GFM1: variants seen among roughly 807,000 people sequenced by gnomAD.
GFM1 encodes elongation factor G, mitochondrial.
A neutral mutation model predicts 96.2 loss-of-function variants in GFM1; 62 were observed. That is an observed-to-expected ratio of 0.64 (90% CI 0.53 to 0.80). The LOEUF is 0.80. GFM1 is among the 30% of genes least tolerant of loss of function. The pLI is 0.00. For synonymous variants in GFM1, 282 were observed against 312.9 expected (o/e 0.90, Z 1.04); for missense variants, 852 against 916.6 (o/e 0.93, Z 0.91).
chr3:158,678,897 AGTG>A (rs1725130981), intron 13 of GFM1, among the ~76,000 whole-genome samples: 1 of 152,230 alleles, frequency 6.6e-6, no homozygotes, highest in South Asian at 2.1e-4. Flanking sequence ...GACTGGGTGA[AGTG>A]GTTCACACCT....
At position 158,682,081 on chromosome 3, in the gene GFM1, A is replaced by G; in HGVS notation, c.1688A>G (p.Asp563Gly). ...IGVLEPLDPE[D>G]YTKLEFSDET... ...GTCCTGGAGCCTCTGGACCCAGAGG[A>G]CTACACTAAATTGGAATTTTCAGAT... is the stretch of plus-strand genomic sequence containing the variant. The change falls in exon 14 of 18, where the codon GAC (aspartate) becomes GGC (glycine). Residue 563 changes from aspartate to glycine, a missense_variant. Physicochemically the swap from Asp to Gly is moderately conservative, Grantham distance 94 (BLOSUM62 -1). Coordinates refer to ENST00000486715, the MANE Select transcript of GFM1 (RefSeq NM_024996.7). 6.2e-7 allele frequency: 1 copy of G among 1,613,510 alleles called. No homozygotes were observed. Among genetic ancestry groups the G allele is most frequent in the Non-Finnish European group, 8.5e-7 (1 of 1,179,514 alleles).
At chr3:158,687,578 C>T (rs1475463047) in intron 15 of GFM1, among the ~76,000 whole-genome samples, 4 of 152,168 alleles carry the variant, frequency 2.6e-5, no homozygotes, top group East Asian at 1.9e-4. Context: ...AGCAATTCTC[C>T]TGCCTCAGCC....
intron 6 of GFM1, 129 bp downstream of exon 6, chr3:158,652,375 T>C (rs1722370143): frequency 2.5e-6 from 2 of 799,670 alleles, no homozygotes; most frequent in African/African-American, 3.5e-5. Context: ...TTTAACATAA[T>C]TGGCTTCCTC....
At chr3:158,680,891 C>T (rs1431204716) in intron 13 of GFM1, among the ~76,000 whole-genome samples, 3 of 152,082 alleles carry the variant, frequency 2.0e-5, no homozygotes, top group African/African-American at 4.8e-5. Flanking sequence ...GAACTTGGTG[C>T]AGTGATGGAA....
At chr3:158,681,660 G>GT (rs1725391274) in intron 13 of GFM1, among the ~76,000 whole-genome samples, 1 of 152,178 alleles carries the variant, frequency 6.6e-6, no homozygotes, top group East Asian at 1.9e-4. Context: ...AAAGAACACT[G>GT]TGTTCCAGGG....
At chr3:158,689,951 GA>G (rs1726171825) in intron 15 of GFM1, among the ~76,000 whole-genome samples, 1 of 151,982 alleles carries the variant, frequency 6.6e-6, no homozygotes, top group Non-Finnish European at 1.5e-5. Context: ...TATGATAATG[GA>G]AATACCAATA....
At chr3:158,649,884 A>G (rs1722151726) in intron 5 of GFM1, 1 of 770,678 alleles carries the variant, frequency 1.3e-6, no homozygotes, top group East Asian at 2.7e-5. Flanking sequence ...TTTCCAGTTG[A>G]TGCTGCTCTT....
At chr3:158,690,796 A>G (rs985236984) in intron 16 of GFM1, among the ~76,000 whole-genome samples, 3 of 152,204 alleles carry the variant, frequency 2.0e-5, no homozygotes, top group Non-Finnish European at 2.9e-5. Flanking sequence ...AAGGTGTCCA[A>G]AGGAAAGTCG....
In GFM1 at chr3:158,661,905, CA is replaced by C. The variant is rs562241670; in HGVS notation, c.1324-715del. Among the ~76,000 whole-genome samples, 219 of 151,442 alleles carry C rather than the reference CA, an allele frequency of 1.4e-3. 1 individual carries two copies. Among genetic ancestry groups the C allele is most frequent in the Non-Finnish European group, 1.7e-3 (112 of 67,860 alleles). On this transcript the variant is annotated intron_variant, in intron 10 of 17. Coordinates refer to ENST00000486715, the MANE Select transcript of GFM1 (RefSeq NM_024996.7). ...TATTACCTGTTGATTTAAGACACTA[CA>C]AAAAAAACATAAATCTATACAATTT...
At chr3:158,662,766 C>A in intron 11 of GFM1, 82 bp downstream of exon 11, 1 of 838,392 alleles carries the variant, frequency 1.2e-6, no homozygotes, top group Non-Finnish European at 2.1e-6. Flanking sequence ...CACTTGATAT[C>A]TTGTAATAAC....
At chr3:158,686,721 GT>G (rs67517331) in intron 15 of GFM1, among the ~76,000 whole-genome samples, 6,275 of 85,342 alleles carry the variant, frequency 0.074, 68 homozygotes, top group Middle Eastern at 0.14. Context: ...TTGAATTGAG[GT>G]TTTTTTTTTT....
intron 2 of GFM1, 57 bp downstream of exon 2, chr3:158,645,838 G>A: frequency 7.1e-7 from 1 of 1,418,368 alleles, no homozygotes. Flanking sequence ...TTGTTTTGTT[G>A]CTATTATTTA....
At chr3:158,672,605 C>G in intron 13 of GFM1, 1 of 1,162,276 alleles carries the variant, frequency 8.6e-7, no homozygotes, top group South Asian at 1.4e-5. Flanking sequence ...CTCCTTCAGT[C>G]AGTCTTCTTC....
chr3:158,660,313 C>T (rs1465576911), intron 9 of GFM1: 5 of 149,938 alleles, frequency 3.3e-5, no homozygotes, highest in African/African-American at 7.5e-5. Flanking sequence ...GTGGCGCGAT[C>T]TCGGCTCACT....
intron 8 of GFM1, among the ~76,000 whole-genome samples, chr3:158,658,176 T>C (rs1420532247): frequency 1.3e-5 from 2 of 148,372 alleles, no homozygotes; most frequent in Non-Finnish European, 3.0e-5. Context: ...TTTTTTTTTT[T>C]TTTTGAGACA....
intron 13 of GFM1, chr3:158,672,476 C>T (rs1183395860): frequency 1.2e-6 from 2 of 1,613,926 alleles, no homozygotes. Flanking sequence ...GCGGGATTTC[C>T]ATTCCGGATG....
rs199667879 is a variant in GFM1, at chr3:158,694,712, T to TA, written c.*3255dup. On this transcript the variant is annotated 3_prime_UTR_variant, in exon 18 of 18. Coordinates refer to ENST00000486715, the MANE Select transcript of GFM1 (RefSeq NM_024996.7). ...CATGCCTGGCTTGATAACTTTACCT[T>TA]AAAAAAAAAAGTGTTCCTATTTATA... 8.8e-5 allele frequency among the ~76,000 whole-genome samples: 13 copies of TA among 147,950 alleles called. No homozygotes were observed. The highest frequency in any genetic ancestry group is 2.0e-4 in the East Asian group (1 of 5,078).
chr3:158,686,248 TATATG>T (rs931238608), intron 15 of GFM1, among the ~76,000 whole-genome samples: 60 of 148,030 alleles, frequency 4.1e-4, no homozygotes, highest in South Asian at 4.0e-3. Context: ...TATTATATAA[TATATG>T]ATATATAAAG....
At chr3:158,649,933 G>C (rs1722157116) in intron 5 of GFM1, 3 of 1,238,764 alleles carry the variant, frequency 2.4e-6, no homozygotes, top group Non-Finnish European at 3.4e-6. Context: ...CACTGATCTA[G>C]ACAATGTGAG....
Sources: gnomAD v4.1 joint callset for allele counts (sites outside exome capture counted in the v4.1 genomes callset) on GRCh38, gnomAD v4.1.1 for gene constraint, MANE v1.5 for transcripts, NCBI Gene and HGNC (gene_info 2026-07-23, HGNC 2026-07-21) for gene names.